ITGA8: variants seen among roughly 807,000 people sequenced by gnomAD.
ITGA8 encodes integrin alpha-8.
ITGA8 carries 91 observed loss-of-function variants against 142.3 expected under a neutral mutation model. The observed-to-expected ratio is 0.64, with a 90% CI of 0.54 to 0.76. ITGA8 has a LOEUF of 0.76. Among genes scored for constraint, ITGA8 ranks in the 30% least tolerant of loss-of-function variants. The probability of loss-of-function intolerance (pLI) is 0.00; values close to 1 mark genes in which losing one functional copy is unlikely to be tolerated. For synonymous variants in ITGA8, 505 were observed against 485.2 expected (o/e 1.04, Z -0.54); for missense variants, 1,406 against 1,327.7 (o/e 1.06, Z -0.92).
intron 25 of ITGA8, among the ~76,000 whole-genome samples, chr10:15,567,330 A>C (rs1171683912): frequency 6.6e-6 from 1 of 152,176 alleles, no homozygotes; most frequent in African/African-American, 2.4e-5. Context: ...TGATAGTTTG[A>C]AATAATTATT....
At chr10:15,520,105 G>T (rs956131347) in intron 28 of ITGA8, among the ~76,000 whole-genome samples, 8 of 152,134 alleles carry the variant, frequency 5.3e-5, no homozygotes, top group Non-Finnish European at 8.8e-5. Context: ...CGTTGGAGAT[G>T]ACTTTAATCC....
intron 23 of ITGA8, among the ~76,000 whole-genome samples, chr10:15,576,556 G>C (rs1414027516): frequency 6.6e-6 from 1 of 152,188 alleles, no homozygotes; most frequent in Non-Finnish European, 1.5e-5. Flanking sequence ...TTGGCAATCA[G>C]ATGTCATAGG....
intron 27 of ITGA8, among the ~76,000 whole-genome samples, chr10:15,538,009 T>G (rs1833483110): frequency 6.6e-6 from 1 of 151,432 alleles, no homozygotes; most frequent in Admixed American, 6.6e-5. Flanking sequence ...TCTGGTGGCA[T>G]GGGTCTGTAG....
chr10:15,615,049 G>A lies in ITGA8; in HGVS notation c.1446-1282C>T, dbSNP rs371162141. Among the ~76,000 whole-genome samples the A allele has an allele frequency of 9.9e-5, 15 of 152,164 alleles. No individual in the cohort carries two copies. In the South Asian group the frequency reaches 1.0e-3, roughly 11 times the overall value. ...GAGAGTCCTTGAGCCAAATTTGCCC[G>A]TGAGAGGAGTTCCATGTCTTGCAAA... On this transcript the variant is annotated intron_variant, in intron 14 of 29. Transcript: ENST00000378076.
chr10:15,556,713 C>A (rs1369849657), intron 26 of ITGA8, among the ~76,000 whole-genome samples: 1 of 152,076 alleles, frequency 6.6e-6, no homozygotes, highest in East Asian at 1.9e-4. Context: ...CAAAATGTTC[C>A]AATTATGCTC....
intron 20 of ITGA8, 86 bp downstream of exon 20, chr10:15,604,122 C>G: frequency 8.2e-7 from 1 of 1,216,042 alleles, no homozygotes; most frequent in South Asian, 1.4e-5. Context: ...AAGGAAGAAA[C>G]TCTCAGCTAA....
intron 23 of ITGA8, among the ~76,000 whole-genome samples, chr10:15,579,075 T>TA (rs1156789290): frequency 6.6e-6 from 1 of 152,064 alleles, no homozygotes; most frequent in Admixed American, 6.5e-5. Flanking sequence ...GGACCAAAAA[T>TA]AAAGTTCCGG....
chr10:15,669,541 G>A (rs1409613272), intron 8 of ITGA8, among the ~76,000 whole-genome samples: 1 of 152,188 alleles, frequency 6.6e-6, no homozygotes, highest in Non-Finnish European at 1.5e-5. Context: ...TCTCCATCCA[G>A]CTTTGTTCCA....
chr10:15,546,485 C>T (rs1356306404), intron 27 of ITGA8, among the ~76,000 whole-genome samples: 1 of 152,178 alleles, frequency 6.6e-6, no homozygotes, highest in Non-Finnish European at 1.5e-5. Context: ...ATGTTGTCCC[C>T]TGAGGACATT....
At chr10:15,640,921 C>T (rs1833859645) in intron 13 of ITGA8, among the ~76,000 whole-genome samples, 1 of 152,222 alleles carries the variant, frequency 6.6e-6, no homozygotes, top group South Asian at 2.1e-4. Context: ...CCACAAGGGA[C>T]TGAGCTACCC....
chr10:15,528,957 C>G, intron 28 of ITGA8, among the ~76,000 whole-genome samples: 1 of 151,506 alleles, frequency 6.6e-6, no homozygotes, highest in East Asian at 1.9e-4. Flanking sequence ...TTCCTTCCTT[C>G]CTTTCCTTCC....
chr10:15,597,350 G>C, intron 20 of ITGA8, 51 bp from the exon 21 acceptor site: 1 of 1,466,166 alleles, frequency 6.8e-7, no homozygotes, highest in South Asian at 1.1e-5. Flanking sequence ...ATGACATCCT[G>C]ACACAAAAGC....
At chr10:15,607,184 T>A (rs538196706) in intron 17 of ITGA8, among the ~76,000 whole-genome samples, 1 of 152,294 alleles carries the variant, frequency 6.6e-6, no homozygotes, top group African/African-American at 2.4e-5. Context: ...GTTATAAATA[T>A]TTTTACTTTA....
intron 20 of ITGA8, among the ~76,000 whole-genome samples, chr10:15,603,496 G>A (rs1833140159): frequency 1.3e-5 from 2 of 152,190 alleles, no homozygotes; most frequent in Non-Finnish European, 2.9e-5. Context: ...CAGACACTGA[G>A]GGACTTTCTC....
At chr10:15,518,883 T>TA (rs1179852517) in intron 29 of ITGA8, among the ~76,000 whole-genome samples, 1 of 152,182 alleles carries the variant, frequency 6.6e-6, no homozygotes, top group South Asian at 2.1e-4. Flanking sequence ...ATAGTGCTTA[T>TA]AAAAAATGTC....
At chr10:15,640,233 G>A (rs12267191) in intron 13 of ITGA8, among the ~76,000 whole-genome samples, 1 of 152,304 alleles carries the variant, frequency 6.6e-6, no homozygotes, top group Admixed American at 6.5e-5. Context: ...CGTGTTCCAC[G>A]GGACCGACCT....
intron 2 of ITGA8, among the ~76,000 whole-genome samples, chr10:15,688,740 G>A (rs544058938): frequency 1.3e-5 from 2 of 151,910 alleles, no homozygotes; most frequent in East Asian, 3.9e-4. Flanking sequence ...GAGATGAAGG[G>A]CAAAAACCAT....
At chr10:15,616,373 C>T in intron 14 of ITGA8, 141 bp downstream of exon 14, 3 of 687,732 alleles carry the variant, frequency 4.4e-6, no homozygotes, top group East Asian at 5.4e-5. Context: ...AGAGTGAGAG[C>T]AAAAAATACC....
At chr10:15,621,123 C>T (rs993861558) in intron 13 of ITGA8, among the ~76,000 whole-genome samples, 8 of 150,454 alleles carry the variant, frequency 5.3e-5, no homozygotes, top group African/African-American at 2.0e-4. Flanking sequence ...TGAAAACAAA[C>T]AAATAAAAAA....
Sources: allele counts gnomAD v4.1 joint callset (sites outside exome capture counted in the v4.1 genomes callset), GRCh38; gene constraint gnomAD v4.1.1; transcripts MANE v1.5; gene names NCBI Gene and HGNC (gene_info 2026-07-23, HGNC 2026-07-21).